PRKD1: variants seen among roughly 807,000 people sequenced by gnomAD.
PRKD1 encodes serine/threonine-protein kinase D1.
PRKD1 carries 63 observed loss-of-function variants against 95.9 expected under a neutral mutation model. The ratio of observed to expected loss-of-function variants is 0.66; its 90% CI spans 0.54 to 0.81. PRKD1 has a LOEUF of 0.81. Ranked by LOEUF, PRKD1 falls within the 30% of genes least tolerant of loss-of-function variation. The pLI, the probability that PRKD1 is intolerant of heterozygous loss-of-function variation, is 0.00. For missense variants in PRKD1, 1,048 were observed against 1,165.3 expected (o/e 0.90, Z 1.47); for synonymous variants, 425 against 423.1 (o/e 1.00, Z -0.05).
rs532022073 is a variant in PRKD1, at chr14:29,882,377, T to C, written c.264+44872A>G. 2.2e-4 allele frequency among the ~76,000 whole-genome samples: 34 copies of C among 152,340 alleles called. 1 individual carries two copies. In the South Asian group the frequency reaches 6.6e-3, roughly 30 times the overall value. ...TCGTTATCATGTATTATACGATGAT[T>C]ATGTTAAAGGCCCAAAGACTAGTCC... On this transcript the variant is annotated intron_variant, in intron 1 of 17. Transcript: ENST00000331968.
intron 1 of PRKD1, among the ~76,000 whole-genome samples, chr14:29,844,207 C>T (rs1167020479): frequency 6.6e-6 from 1 of 152,102 alleles, no homozygotes; most frequent in African/African-American, 2.4e-5. Flanking sequence ...ATATTAGAGG[C>T]AAGTGCAAGG....
chr14:29,922,279 C>T (rs1268070876), intron 1 of PRKD1, among the ~76,000 whole-genome samples: 1 of 125,866 alleles, frequency 7.9e-6, no homozygotes, highest in South Asian at 2.4e-4. Context: ...CCAGCCTGGG[C>T]AACAGAGCGA....
rs966822824 is a variant in PRKD1 at position 29,685,358 on chromosome 14, G to A, written c.404-19150C>T. 7.2e-5 allele frequency among the ~76,000 whole-genome samples: 11 copies of A among 152,274 alleles called. No individual in the cohort carries two copies. In the East Asian group the frequency reaches 1.2e-3, roughly 16 times the overall value. On this transcript the variant is annotated intron_variant, in intron 2 of 17. Transcript: ENST00000331968. ...TGCCAAACTAAATGCATTTAAAAGC[G>A]TGTTCCTTTCATCATCTGCAGGGAA...
At chr14:29,801,763 A>G (rs954723913) in intron 1 of PRKD1, among the ~76,000 whole-genome samples, 3 of 152,088 alleles carry the variant, frequency 2.0e-5, no homozygotes, top group East Asian at 1.9e-4. Context: ...ATCTCGGCTC[A>G]TCGCAACCTC....
At chr14:29,826,523 C>T (rs60174780) in intron 1 of PRKD1, among the ~76,000 whole-genome samples, 1 of 114,896 alleles carries the variant, frequency 8.7e-6, no homozygotes, top group Non-Finnish European at 1.7e-5. Flanking sequence ...TATATGTATA[C>T]ATATATATGA....
intron 7 of PRKD1, among the ~76,000 whole-genome samples, chr14:29,636,045 A>T (rs948408251): frequency 1.4e-3 from 5 of 3,474 alleles, no homozygotes; most frequent in African/African-American, 6.4e-3. Flanking sequence ...TCTCACATGC[A>T]AAAAAAAAAA....
At chr14:29,702,200 T>A (rs565522637) in intron 2 of PRKD1, among the ~76,000 whole-genome samples, 1 of 152,286 alleles carries the variant, frequency 6.6e-6, no homozygotes, top group East Asian at 1.9e-4. Flanking sequence ...CTCTGATGAT[T>A]TATGGTTTAT....
At chr14:29,656,234 T>C (rs1266890248) in intron 4 of PRKD1, among the ~76,000 whole-genome samples, 2 of 152,206 alleles carry the variant, frequency 1.3e-5, no homozygotes, top group African/African-American at 4.8e-5. Flanking sequence ...AACCTAATTC[T>C]ATTACTCTAA....
intron 2 of PRKD1, among the ~76,000 whole-genome samples, chr14:29,703,357 G>A (rs150575856): frequency 4.1e-4 from 63 of 152,314 alleles, no homozygotes; most frequent in Non-Finnish European, 1.9e-4. Context: ...AGCTAAATTT[G>A]AGGGCTGCTG....
At chr14:29,589,964 C>A (rs1263033841) in intron 16 of PRKD1, among the ~76,000 whole-genome samples, 1 of 152,076 alleles carries the variant, frequency 6.6e-6, no homozygotes, top group African/African-American at 2.4e-5. Context: ...ATACTTGTTT[C>A]ATTGACCCTA....
chr14:29,622,781 G>C (rs933321908), intron 13 of PRKD1, among the ~76,000 whole-genome samples: 3 of 152,120 alleles, frequency 2.0e-5, no homozygotes, highest in Non-Finnish European at 4.4e-5. Flanking sequence ...AAAAGGCCTA[G>C]ACACAGAAAA....
intron 1 of PRKD1, among the ~76,000 whole-genome samples, chr14:29,726,912 C>G (rs976242452): frequency 1.3e-5 from 2 of 151,660 alleles, no homozygotes; most frequent in East Asian, 1.9e-4. Context: ...GGGTATATAC[C>G]CAGTAATGGG....
At chr14:29,889,577 A>G (rs1893865722) in intron 1 of PRKD1, among the ~76,000 whole-genome samples, 1 of 152,234 alleles carries the variant, frequency 6.6e-6, no homozygotes, top group Non-Finnish European at 1.5e-5. Flanking sequence ...GGATGAGTTC[A>G]TGTCCTTTGC....
chr14:29,917,532 G>A (rs542960737), intron 1 of PRKD1, among the ~76,000 whole-genome samples: 1 of 152,104 alleles, frequency 6.6e-6, no homozygotes, highest in South Asian at 2.1e-4. Context: ...TTTCATATTT[G>A]AACAAATTAT....
At chr14:29,879,698 T>G (rs930688866) in intron 1 of PRKD1, among the ~76,000 whole-genome samples, 6 of 152,172 alleles carry the variant, frequency 3.9e-5, no homozygotes, top group African/African-American at 1.4e-4. Flanking sequence ...TGGGCAAGTT[T>G]GGAACCTCCT....
chr14:29,922,956 C>T (rs1278596168), intron 1 of PRKD1, among the ~76,000 whole-genome samples: 1 of 152,090 alleles, frequency 6.6e-6, no homozygotes, highest in Non-Finnish European at 1.5e-5. Flanking sequence ...CAGTGGCTCA[C>T]ACCCAGTGGG....
At chr14:29,807,746 A>T (rs531076536) in intron 1 of PRKD1, among the ~76,000 whole-genome samples, 1 of 148,694 alleles carries the variant, frequency 6.7e-6, no homozygotes, top group South Asian at 2.2e-4. Flanking sequence ...TTTGAGACAG[A>T]GTCTTGCTCT....
intron 1 of PRKD1, among the ~76,000 whole-genome samples, chr14:29,837,939 A>T (rs1566628905): frequency 6.6e-6 from 1 of 152,218 alleles, no homozygotes; most frequent in Non-Finnish European, 1.5e-5. Flanking sequence ...TTTTGTAAAC[A>T]TTCTTGATTA....
intron 7 of PRKD1, among the ~76,000 whole-genome samples, 196 bp downstream of exon 7, chr14:29,636,094 T>C (rs1880350776): frequency 6.6e-6 from 1 of 151,376 alleles, no homozygotes; most frequent in Non-Finnish European, 1.5e-5. Context: ...TGGGAAAGAA[T>C]GGCAACCACA....
Sources: allele counts gnomAD v4.1 joint callset (sites outside exome capture counted in the v4.1 genomes callset), GRCh38; gene constraint gnomAD v4.1.1; transcripts MANE v1.5; gene names NCBI Gene and HGNC (gene_info 2026-07-23, HGNC 2026-07-21).